Variants in PDE7B observed in about 807,000 individuals in gnomAD.
PDE7B encodes the protein phosphodiesterase 7B.
In PDE7B, 29 loss-of-function variants were observed where a neutral mutation model predicts 56.2. That is an observed-to-expected ratio of 0.52 (90% CI 0.38 to 0.70). The LOEUF is 0.70. PDE7B is among the 30% of genes least tolerant of loss of function. The pLI is 0.00. For synonymous variants in PDE7B, 197 were observed against 196.9 expected, an observed-to-expected ratio of 1.00 and a Z score of 0.00; for missense variants, 490 against 565.0, an observed-to-expected ratio of 0.87 and a Z score of 1.35.
chr6:136,135,455 A>G lies in PDE7B; in HGVS notation c.167-11896A>G, dbSNP rs573864637. On this transcript the variant is annotated intron_variant, in intron 3 of 12. Coordinates refer to ENST00000308191, the MANE Select transcript of PDE7B (RefSeq NM_018945.4). ...AATTTGTTTTTATCTTAAATTGCTC[A>G]GAATTTCAAAGTCATTTATAATGAC... 4.7e-3 allele frequency among the ~76,000 whole-genome samples: 722 copies of G among 152,188 alleles called. 6 individuals carry two copies. The highest frequency in any genetic ancestry group is 0.017 in the African/African-American group (701 of 41,544).
At chr6:136,023,141 T>C (rs1583833641) in intron 2 of PDE7B, among the ~76,000 whole-genome samples, 1 of 152,200 alleles carries the variant, frequency 6.6e-6, no homozygotes, top group East Asian at 1.9e-4. Context: ...TTTCCCAAAG[T>C]AATTTTAGAT....
chr6:135,896,449 G>A (rs914309653), intron 1 of PDE7B, among the ~76,000 whole-genome samples: 3 of 152,002 alleles, frequency 2.0e-5, no homozygotes, highest in Non-Finnish European at 2.9e-5. Flanking sequence ...TAACACCCAC[G>A]GCCTTGATCT....
chr6:135,866,843 A>G (rs1181461346), intron 1 of PDE7B, among the ~76,000 whole-genome samples: 1 of 152,204 alleles, frequency 6.6e-6, no homozygotes, highest in East Asian at 1.9e-4. Context: ...TAGCAAATAA[A>G]TTATTTAGAT....
chr6:136,135,918 G>GA (rs1778204892), intron 3 of PDE7B, among the ~76,000 whole-genome samples: 1 of 152,004 alleles, frequency 6.6e-6, no homozygotes, highest in Non-Finnish European at 1.5e-5. Context: ...GTAAGTTCTG[G>GA]AAATGACTCA....
chr6:136,141,748 T>G (rs1168656217), intron 3 of PDE7B, among the ~76,000 whole-genome samples: 1 of 152,230 alleles, frequency 6.6e-6, no homozygotes, highest in Non-Finnish European at 1.5e-5. Context: ...TCTAGTTTAT[T>G]TGCGTACAGG....
intron 1 of PDE7B, among the ~76,000 whole-genome samples, chr6:135,933,592 T>G (rs1255239192): frequency 6.6e-6 from 1 of 152,222 alleles, no homozygotes; most frequent in African/African-American, 2.4e-5. Context: ...ATTATTGTGT[T>G]CAATTTATTT....
At chr6:136,080,865 C>A (rs1416903094) in intron 2 of PDE7B, among the ~76,000 whole-genome samples, 1 of 152,162 alleles carries the variant, frequency 6.6e-6, no homozygotes, top group Non-Finnish European at 1.5e-5. Flanking sequence ...GGATGGAGAG[C>A]TGCATGGAGG....
intron 2 of PDE7B, among the ~76,000 whole-genome samples, chr6:136,060,197 G>A (rs1776813579): frequency 6.6e-6 from 1 of 152,088 alleles, no homozygotes; most frequent in Non-Finnish European, 1.5e-5. Context: ...CATTTTTCCT[G>A]AATAAGGATG....
intron 2 of PDE7B, among the ~76,000 whole-genome samples, chr6:135,963,308 T>C (rs1396109186): frequency 6.6e-6 from 1 of 152,240 alleles, no homozygotes; most frequent in Non-Finnish European, 1.5e-5. Flanking sequence ...ATCTCTATTT[T>C]CTTCCTTTCT....
intron 2 of PDE7B, chr6:136,098,175 C>A (rs1777502947): frequency 7.4e-6 from 1 of 135,870 alleles, no homozygotes; most frequent in Admixed American, 7.9e-5. Context: ...TACACACACA[C>A]ACATATACAG....
chr6:136,004,048 A>T (rs1206847802), intron 2 of PDE7B, among the ~76,000 whole-genome samples: 1 of 152,142 alleles, frequency 6.6e-6, no homozygotes, highest in African/African-American at 2.4e-5. Context: ...CTGGTTCAAT[A>T]TACACAAATC....
At position 136,013,637 on chromosome 6, in the gene PDE7B, A is replaced by G. The variant is rs1775929565; in HGVS notation, c.82+66113A>G. ...GCAAACTCATACCTAAGATACGTGT[A>G]GGAATTAGCCTGGTGAAGGAGTGTT... On this transcript the variant is annotated intron_variant, in intron 2 of 12. Transcript: ENST00000308191. Among the ~76,000 whole-genome samples the G allele has an allele frequency of 3.3e-5, 5 of 152,270 alleles. No individual in the cohort carries two copies. The South Asian group carries it at 8.3e-4, about 25-fold the overall frequency.
At position 136,185,799 on chromosome 6, in the gene PDE7B, T is replaced by C. The variant is rs906541374; in HGVS notation, c.1046-1237T>C. Among the ~76,000 whole-genome samples the C allele has an allele frequency of 2.6e-5, 4 of 152,190 alleles. No homozygotes were observed. In the East Asian group the frequency reaches 5.8e-4, roughly 22 times the overall value. ...ACAATGACAATTTTTTATTAACATA[T>C]GTAAAATGCTTAGAACGTGCCTGGC... On this transcript the variant is annotated intron_variant, in intron 11 of 12. Transcript: ENST00000308191.
chr6:136,160,260 G>A (rs1289901963), intron 8 of PDE7B, among the ~76,000 whole-genome samples: 1 of 152,150 alleles, frequency 6.6e-6, no homozygotes, highest in Admixed American at 6.5e-5. Context: ...CATAGTACCT[G>A]ATGTGGTATT....
intron 1 of PDE7B, among the ~76,000 whole-genome samples, chr6:135,864,451 T>G (rs1263434273): frequency 6.6e-6 from 1 of 152,140 alleles, no homozygotes; most frequent in African/African-American, 2.4e-5. Flanking sequence ...TTATTTCTGA[T>G]GTGTACTTTT....
chr6:136,009,714 C>A (rs1048423577), intron 2 of PDE7B, among the ~76,000 whole-genome samples: 222 of 152,164 alleles, frequency 1.5e-3, no homozygotes, highest in Admixed American at 2.5e-3. Flanking sequence ...AGTTGCCTAT[C>A]AGCTTAAGGA....
At position 135,934,269 on chromosome 6, in the gene PDE7B, C is replaced by T. The variant is rs553403726; in HGVS notation, c.22-13195C>T. ...AATTTTTCTTCTTGGACATTTGAAA[C>T]ACTTTGGTAGTTTAACTCCTTAACC... On this transcript the variant is annotated intron_variant, in intron 1 of 12. Coordinates refer to ENST00000308191, the MANE Select transcript of PDE7B (RefSeq NM_018945.4). Among the ~76,000 whole-genome samples, 10 of 152,272 alleles carry T rather than the reference C, an allele frequency of 6.6e-5. No homozygotes were observed. The East Asian group carries it at 1.7e-3, about 26-fold the overall frequency.
intron 2 of PDE7B, among the ~76,000 whole-genome samples, chr6:135,972,422 A>G (rs1207682542): frequency 1.3e-5 from 2 of 151,964 alleles, no homozygotes; most frequent in Non-Finnish European, 2.9e-5. Context: ...AATTATAACC[A>G]TACTTTTATT....
chr6:135,973,722 G>C (rs971473702), intron 2 of PDE7B, among the ~76,000 whole-genome samples: 9 of 152,164 alleles, frequency 5.9e-5, no homozygotes, highest in Non-Finnish European at 1.2e-4. Context: ...AATAATTAGT[G>C]ACACTGAGCA....
Sources: gnomAD v4.1 joint callset for allele counts (sites outside exome capture counted in the v4.1 genomes callset) on GRCh38, gnomAD v4.1.1 for gene constraint, MANE v1.5 for transcripts, NCBI Gene and HGNC (gene_info 2026-07-23, HGNC 2026-07-21) for gene names.